VAV1: variants seen among roughly 807,000 people sequenced by gnomAD.
VAV1 encodes vav guanine nucleotide exchange factor 1, also known as proto-oncogene vav.
In VAV1, 33 loss-of-function variants were observed where a neutral mutation model predicts 128.1. That is an observed-to-expected ratio of 0.26 (90% confidence interval 0.20 to 0.34). The LOEUF is 0.34. Ranked by LOEUF, VAV1 falls within the 10% of genes least tolerant of loss-of-function variation. The pLI, the probability that VAV1 is intolerant of heterozygous loss-of-function variation, is 1.00. For synonymous variants in VAV1, 394 were observed against 409.8 expected, an observed-to-expected ratio of 0.96 and a Z score of 0.47; for missense variants, 715 against 1,093.7, an observed-to-expected ratio of 0.65 and a Z score of 4.88.
intron 1 of VAV1, among the ~76,000 whole-genome samples, chr19:6,786,234 T>C (rs1429584753): frequency 6.6e-6 from 1 of 152,194 alleles, no homozygotes; most frequent in Non-Finnish European, 1.5e-5. Context: ...CATATGAATA[T>C]ATGATTCTAA....
chr19:6,831,853 AGTGTGTGTGTGTGT>A (rs112497070), intron 14 of VAV1, among the ~76,000 whole-genome samples: 1 of 146,552 alleles, frequency 6.8e-6, no homozygotes, highest in Non-Finnish European at 1.5e-5. Context: ...TGCAAAGGGG[AGTGTGTGTGTGTGT>A]GTGTGTGTGT....
intron 14 of VAV1, 110 bp from the exon 15 acceptor site, chr19:6,831,981 T>C: frequency 1.2e-6 from 1 of 815,046 alleles, no homozygotes; most frequent in Non-Finnish European, 2.0e-6. Context: ...GCTAGGGGCA[T>C]AGAGACTGTC....
intron 26 of VAV1, among the ~76,000 whole-genome samples, chr19:6,854,640 A>G (rs1263834147): frequency 1.3e-5 from 2 of 152,228 alleles, no homozygotes; most frequent in South Asian, 2.1e-4. Context: ...GCTTGAGTCC[A>G]GGAGTTGGAT....
At chr19:6,808,379 G>C (rs1449769894) in intron 1 of VAV1, among the ~76,000 whole-genome samples, 1 of 152,092 alleles carries the variant, frequency 6.6e-6, no homozygotes, top group Non-Finnish European at 1.5e-5. Context: ...AGGACAACAG[G>C]CATAAGCTTG....
intron 21 of VAV1, among the ~76,000 whole-genome samples, chr19:6,840,428 C>T (rs1972344601): frequency 6.6e-6 from 1 of 151,790 alleles, no homozygotes; most frequent in Non-Finnish European, 1.5e-5. Flanking sequence ...GCCTCAGCCT[C>T]CCGAGTAGCT....
intron 1 of VAV1, among the ~76,000 whole-genome samples, chr19:6,779,002 G>A (rs930491182): frequency 6.8e-6 from 1 of 147,788 alleles, no homozygotes; most frequent in South Asian, 2.1e-4. Flanking sequence ...TCAGCCTCCC[G>A]AGTAGCTGGG....
At chr19:6,833,010 G>A (rs891316274) in intron 15 of VAV1, among the ~76,000 whole-genome samples, 174 bp from the exon 16 acceptor site, 5 of 152,148 alleles carry the variant, frequency 3.3e-5, no homozygotes, top group African/African-American at 1.2e-4. Flanking sequence ...TTCTCCCAAT[G>A]TGCATGGCAG....
At chr19:6,791,600 G>A (rs904095068) in intron 1 of VAV1, among the ~76,000 whole-genome samples, 4 of 152,164 alleles carry the variant, frequency 2.6e-5, no homozygotes, top group Admixed American at 6.5e-5. Context: ...TTACAAAGTC[G>A]TTTTCTCCAA....
chr19:6,825,163 C>A (rs772372299), intron 7 of VAV1, 42 bp downstream of exon 7: 1 of 1,596,526 alleles, frequency 6.3e-7, no homozygotes, highest in Non-Finnish European at 8.5e-7. Flanking sequence ...CTGTCTAGTG[C>A]GGATAACCTG....
chr19:6,836,957 T>G, intron 20 of VAV1, 28 bp from the exon 21 acceptor site: 2 of 1,612,878 alleles, frequency 1.2e-6, no homozygotes, highest in South Asian at 2.2e-5. Flanking sequence ...AACCTCTCTG[T>G]TCCTGTTTTT....
intron 1 of VAV1, among the ~76,000 whole-genome samples, chr19:6,795,166 G>A (rs139322985): frequency 1.3e-5 from 2 of 152,090 alleles, no homozygotes; most frequent in Non-Finnish European, 2.9e-5. Flanking sequence ...GCCATACCCT[G>A]GCTTCTCTCT....
Position 6,814,666 on chromosome 19 carries a change from TCC to T in VAV1, c.205-6035_205-6034del, listed in dbSNP as rs1568299136. On this transcript the variant is annotated intron_variant, in intron 1 of 26. Coordinates refer to ENST00000602142, the MANE Select transcript of VAV1 (RefSeq NM_005428.4). Reference sequence around the variant, plus strand: ...TTCCTTCCTTCCTTCCTTCCTTCCTTCCTTCCTTTCTTTCTTTCTTTCTTTCT... The same window carrying T: ...TTCCTTCCTTCCTTCCTTCCTTCCTTTTCCTTTCTTTCTTTCTTTCTTTCT... 5.4e-3 allele frequency among the ~76,000 whole-genome samples: 444 copies of T among 81,672 alleles called. 2 individuals carry two copies. The highest frequency in any genetic ancestry group is 9.3e-3 in the Middle Eastern group (2 of 216). 53.6% of individuals were successfully genotyped at this position (81,672 alleles called of 152,430 possible).
chr19:6,825,231 G>A, intron 7 of VAV1, 72 bp from the exon 8 acceptor site: 1 of 1,577,644 alleles, frequency 6.3e-7, no homozygotes, highest in South Asian at 1.1e-5. Flanking sequence ...TGGGGCGGGT[G>A]GATGACCCTT....
chr19:6,790,463 G>A (rs1486845310), intron 1 of VAV1, among the ~76,000 whole-genome samples: 1 of 152,166 alleles, frequency 6.6e-6, no homozygotes, highest in Admixed American at 6.6e-5. Context: ...AACTCAAGGT[G>A]TCTGCAGAGC....
chr19:6,798,473 T>C (rs868194241), intron 1 of VAV1, among the ~76,000 whole-genome samples: 5 of 151,286 alleles, frequency 3.3e-5, no homozygotes, highest in African/African-American at 1.2e-4. Flanking sequence ...CTCTAATAAA[T>C]AATAAATAAA....
Position 6,820,374 on chromosome 19 carries a change from G to A in VAV1, c.205-328G>A, listed in dbSNP as rs1971753380. 6.6e-6 allele frequency among the ~76,000 whole-genome samples: 1 copy of A among 152,098 alleles called. No homozygotes were observed. The highest frequency in any genetic ancestry group is 6.5e-5 in the Admixed American group (1 of 15,272). The stretch of plus-strand genomic sequence containing the variant: ...CTCCGCCTCCTGAGTAGTTCAAAAT[G>A]TTTTTCAGGTCATCCACATTGTAGT... On this transcript the variant is annotated intron_variant, in intron 1 of 26. Coordinates refer to ENST00000602142, the MANE Select transcript of VAV1 (RefSeq NM_005428.4). The surrounding 1 kb of genome is among the most constrained non-coding windows in gnomAD (Gnocchi z 4.4).
At chr19:6,789,039 G>A (rs907480088) in intron 1 of VAV1, among the ~76,000 whole-genome samples, 1 of 152,184 alleles carries the variant, frequency 6.6e-6, no homozygotes, top group East Asian at 1.9e-4. Context: ...TTTCACACAA[G>A]TAGCACCTCT....
chr19:6,827,345 A>G (rs3844451), intron 9 of VAV1, among the ~76,000 whole-genome samples: 98,639 of 151,924 alleles, frequency 0.65, 33,240 homozygotes, highest in African/African-American at 0.84. Context: ...ATAGCTCACC[A>G]CAGCCTCGAC....
chr19:6,811,061 C>T (rs774546176), intron 1 of VAV1, among the ~76,000 whole-genome samples: 1 of 152,028 alleles, frequency 6.6e-6, no homozygotes, highest in African/African-American at 2.4e-5. Flanking sequence ...TTTGAGATGG[C>T]GTCTTGCTCT....
Sources: allele counts gnomAD v4.1 joint callset (sites outside exome capture counted in the v4.1 genomes callset), GRCh38; gene constraint gnomAD v4.1.1; non-coding constraint Gnocchi (gnomAD v3.1); transcripts MANE v1.5; gene names NCBI Gene and HGNC (gene_info 2026-07-23, HGNC 2026-07-21).